SGSM2: variants seen among roughly 807,000 people sequenced by gnomAD.
SGSM2 encodes small G protein signaling modulator 2, also known as RUN and TBC1 domain containing 1.
Under a neutral mutation model 126.6 loss-of-function variants are expected in SGSM2, and 89 were observed. The observed-to-expected ratio is 0.70, with a 90% confidence interval of 0.59 to 0.84. SGSM2 has a LOEUF of 0.84. SGSM2 is among the 40% of genes least tolerant of loss of function. The probability of loss-of-function intolerance (pLI) is 0.00; values close to 1 mark genes in which losing one functional copy is unlikely to be tolerated. For synonymous variants in SGSM2, 614 were observed against 574.3 expected (o/e 1.07, Z -0.99); for missense variants, 1,404 against 1,416.6 (o/e 0.99, Z 0.14).
chr17:2,368,842 G>A (rs905984362), intron 12 of SGSM2, among the ~76,000 whole-genome samples: 1 of 152,208 alleles, frequency 6.6e-6, no homozygotes, highest in Admixed American at 6.5e-5. Flanking sequence ...GCTCTGAGGG[G>A]ACCCACGGAG....
In SGSM2 at chr17:2,380,518, T is replaced by C. The variant is rs1378791273; in HGVS notation, c.*998T>C. 3 of 596,748 alleles carry C rather than the reference T, an allele frequency of 5.0e-6. No individual in the cohort carries two copies. In the Admixed American group the frequency reaches 8.5e-5, roughly 17 times the overall value. 37.0% of individuals were successfully genotyped at this position (596,748 alleles called of 1,614,324 possible). Reference sequence around the variant, plus strand: ...ATCTGTCCCTGGTGAGAAGCAAGGCTAGCTCTGCCTTCCACATGCTTCTCA... The same window carrying C: ...ATCTGTCCCTGGTGAGAAGCAAGGCCAGCTCTGCCTTCCACATGCTTCTCA... On this transcript the variant is annotated 3_prime_UTR_variant, in exon 24 of 24. Transcript: ENST00000268989.
intron 2 of SGSM2, among the ~76,000 whole-genome samples, chr17:2,344,829 C>T (rs2064525185): frequency 1.3e-5 from 2 of 152,210 alleles, no homozygotes; most frequent in Admixed American, 1.3e-4. Flanking sequence ...TAACTTCTCT[C>T]ACCCTCAGTT....
rs1334219878 is a variant in SGSM2, at chr17:2,375,537, C to G, written c.2146C>G (p.Pro716Ala). 6.2e-7 allele frequency: 1 copy of G among 1,613,528 alleles called. No individual in the cohort carries two copies. The highest frequency in any genetic ancestry group is 1.3e-5 in the African/African-American group (1 of 74,914). ...TCTGGAACCCCCGGAGCCCCAGGAC[C>G]CTGAAGATTCCAGACCAAAACCTGA... is the stretch of plus-strand genomic sequence containing the variant. Reference protein sequence around the residue: ...DDLEPPEPQDPEDSRPKPEQE... With the variant: ...DDLEPPEPQDAEDSRPKPEQE... The change falls in exon 18 of 24, where the codon CCT (proline) becomes GCT (alanine). Residue 716 changes from proline to alanine, a missense_variant. Physicochemically the swap from Pro to Ala is conservative, Grantham distance 27. Coordinates refer to ENST00000268989, the MANE Select transcript of SGSM2 (RefSeq NM_014853.3).
At chr17:2,377,561 T>C (rs571726494) in intron 21 of SGSM2, 8 of 256,040 alleles carry the variant, frequency 3.1e-5, no homozygotes, top group Middle Eastern at 1.3e-3. Flanking sequence ...CTCGTGCCCA[T>C]GAAAGTTCTG....
rs749319873 is a variant in SGSM2 at position 2,376,235 on chromosome 17, C to G, written c.2583C>G (p.Leu861=). 6.2e-7 allele frequency: 1 copy of G among 1,613,890 alleles called. No individual in the cohort carries two copies. Among genetic ancestry groups the G allele is most frequent in the African/African-American group, 1.3e-5 (1 of 75,016 alleles). The change falls in exon 19 of 24, where the codon CTC becomes CTG. Residue 861 remains leucine, a synonymous_variant. Coordinates refer to ENST00000268989, the MANE Select transcript of SGSM2 (RefSeq NM_014853.3). ...RNYWYFTPPN[L]ERLRDVMCSY... is the part of the protein sequence containing the mutation. The stretch of plus-strand genomic sequence containing the variant: ...ACTGGTACTTCACGCCCCCCAACCT[C>G]GAGAGGCTCAGAGACGTCATGTGCA...
chr17:2,338,786 T>TATATATATATATATATATATATATATAA (rs1481763507), intron 1 of SGSM2, among the ~76,000 whole-genome samples: 8 of 149,636 alleles, frequency 5.3e-5, no homozygotes, highest in African/African-American at 2.0e-4. Flanking sequence ...TATATATATA[T>TATATATATATATATATATATATATATAA]ATAACCTCAC....
In SGSM2 at chr17:2,364,661, AAAGT is replaced by A. The variant is rs753294959; in HGVS notation, c.1000+2_1000+5del. On this transcript the variant is annotated splice_donor_variant and coding_sequence_variant, in exon 9 of 24. Transcript: ENST00000268989. LOFTEE classifies it high-confidence loss of function. ...GTCGTGTGCATCCACTGCCACCAGC[AAAGT>A]AAGCCTGCCTTGTCCTCGGCTCGGG... 1.2e-6 allele frequency: 2 copies of A among 1,614,046 alleles called. No homozygotes were observed. Among genetic ancestry groups the A allele is most frequent in the African/African-American group, 2.7e-5 (2 of 74,922 alleles).
chr17:2,365,781 C>G (rs1471212800), intron 11 of SGSM2, among the ~76,000 whole-genome samples: 1 of 145,862 alleles, frequency 6.9e-6, no homozygotes, highest in African/African-American at 2.6e-5. Context: ...ACGTCTCGCT[C>G]TTTTACCCAG....
At position 2,372,440 on chromosome 17, in the gene SGSM2, C is replaced by T. The variant is rs3213712; in HGVS notation, c.1740C>T (p.Ser580=). 111 of 1,599,684 alleles carry T rather than the reference C, an allele frequency of 6.9e-5. No individual in the cohort carries two copies. In the East Asian group the frequency reaches 8.8e-4, roughly 13 times the overall value. ...CACCTGACCGGCCCCCGGGGGCCTCCGCGGGCCTCACCAAGGACGTGTGGA... is the reference window on the plus strand; with the variant it reads ...CACCTGACCGGCCCCCGGGGGCCTCTGCGGGCCTCACCAAGGACGTGTGGA... ...VIPPDRPPGA[S]AGLTKDVWSK... The change falls in exon 15 of 24, where the codon TCC becomes TCT. Residue 580 remains serine (S), a synonymous_variant. Coordinates refer to ENST00000268989, the MANE Select transcript of SGSM2 (RefSeq NM_014853.3). This position sits in a 1 kb window ranked among gnomAD's most constrained non-coding sequence, Gnocchi z 6.0.
rs140309803 is a variant in SGSM2, at chr17:2,380,856, G to GCA, written c.*1339_*1340dup. On this transcript the variant is annotated 3_prime_UTR_variant, in exon 24 of 24. Coordinates refer to ENST00000268989, the MANE Select transcript of SGSM2 (RefSeq NM_014853.3). The stretch of plus-strand genomic sequence containing the variant: ...CAGCCCAGCCCTGCCCCCGGGCACT[G>GCA]CACAGCCTGTCTGGGGGCCAGACCA... 812 of 162,700 alleles carry GCA rather than the reference G, an allele frequency of 5.0e-3. 17 individuals are homozygous for GCA. Among genetic ancestry groups the GCA allele is most frequent in the African/African-American group, 0.018 (766 of 41,712 alleles). 10.1% of individuals were successfully genotyped at this position (162,700 alleles called of 1,614,324 possible).
Position 2,372,132 on chromosome 17 carries a change from C to A in SGSM2, c.1578-58C>A. On this transcript the variant is annotated intron_variant, in intron 13 of 23. Coordinates refer to ENST00000268989, the MANE Select transcript of SGSM2 (RefSeq NM_014853.3). The surrounding 1 kb of genome is among the most constrained non-coding windows in gnomAD (Gnocchi z 6.0). ...CAGGACAGAGCCTCCTCCCTTCTCT[C>A]TCTCCTCCCACCAGAGGGGCCGCAG... is the stretch of plus-strand genomic sequence containing the variant. 6.3e-7 allele frequency: 1 copy of A among 1,598,382 alleles called. No homozygotes were observed.
chr17:2,375,613 A>C lies in SGSM2; in HGVS notation c.2222A>C (p.His741Pro). Residue 741 changes from histidine (H) to proline (P), a missense_variant, in exon 18 of 24, where the codon CAT becomes CCT. His to Pro is a moderately conservative substitution (Grantham distance 77, BLOSUM62 -2). Transcript: ENST00000268989. ...GGCACCGCCGTGGTGGAGCAGCAGC[A>C]TTCCGTGGAGTTCGACTCTCCAGAC... ...TPGTAVVEQQ[H>P]SVEFDSPDSG... The C allele has an allele frequency of 6.2e-7, 1 of 1,614,038 alleles. No individual in the cohort carries two copies. Among genetic ancestry groups the C allele is most frequent in the South Asian group, 1.1e-5 (1 of 91,086 alleles).
At position 2,373,078 on chromosome 17, in the gene SGSM2, G is replaced by T; in HGVS notation, c.1914G>T (p.Glu638Asp). 1 of 1,608,088 alleles carries T rather than the reference G, an allele frequency of 6.2e-7. No homozygotes were observed. Among genetic ancestry groups the T allele is most frequent in the Non-Finnish European group, 8.5e-7 (1 of 1,178,394 alleles). ...TCGGCATGAGCAAGAAGGAGATGGA[G>T]CAGGTGAGGGGAGCCTGTTCCCATG... ...YKFGMSKKEM[E>D]QVDAVVAARY... is the part of the protein sequence containing the mutation. The change falls in exon 16 of 24, where the codon GAG becomes GAT. Residue 638 changes from glutamate (E) to aspartate (D), a missense_variant. Coordinates refer to ENST00000268989, the MANE Select transcript of SGSM2 (RefSeq NM_014853.3).
intron 18 of SGSM2, 115 bp downstream of exon 18, chr17:2,375,990 G>T: frequency 6.6e-7 from 1 of 1,508,148 alleles, no homozygotes. Flanking sequence ...CCCTGGAAGG[G>T]AGTTCTGAGC....
intron 17 of SGSM2, chr17:2,373,744 G>A (rs1297025917): frequency 3.8e-6 from 2 of 533,012 alleles, no homozygotes; most frequent in Non-Finnish European, 6.7e-6. Context: ...CTCAGTTTTA[G>A]CCAACTATAG....
At chr17:2,354,294 C>A (rs916496878) in intron 2 of SGSM2, among the ~76,000 whole-genome samples, 1 of 152,106 alleles carries the variant, frequency 6.6e-6, no homozygotes, top group Non-Finnish European at 1.5e-5. Flanking sequence ...GTGACCCACC[C>A]GCCTCGGCCT....
At chr17:2,351,119 G>C (rs186643643) in intron 2 of SGSM2, among the ~76,000 whole-genome samples, 15 of 152,290 alleles carry the variant, frequency 9.8e-5, no homozygotes, top group African/African-American at 3.1e-4. Flanking sequence ...CGGCCATGAT[G>C]GTGGGTGCCT....
intron 2 of SGSM2, among the ~76,000 whole-genome samples, chr17:2,354,674 T>C (rs1210170827): frequency 1.3e-5 from 2 of 152,234 alleles, no homozygotes; most frequent in Non-Finnish European, 2.9e-5. Context: ...GCAGCATTAG[T>C]GGAGAGGGCC....
intron 18 of SGSM2, 59 bp downstream of exon 18, chr17:2,375,934 G>C: frequency 6.6e-7 from 1 of 1,512,698 alleles, no homozygotes; most frequent in Non-Finnish European, 8.8e-7. Flanking sequence ...TGACATCCCA[G>C]AGCTGGGGAA....
Sources: allele counts gnomAD v4.1 joint callset (sites outside exome capture counted in the v4.1 genomes callset), GRCh38; gene constraint gnomAD v4.1.1; non-coding constraint Gnocchi (gnomAD v3.1); transcripts MANE v1.5; gene names NCBI Gene and HGNC (gene_info 2026-07-23, HGNC 2026-07-21).